Variants in PPP4R4 observed in about 807,000 individuals in gnomAD.
PPP4R4 encodes protein phosphatase 4 regulatory subunit 4.
A neutral mutation model predicts 121.8 loss-of-function variants in PPP4R4; 70 were observed. The observed-to-expected ratio is 0.57, with a 90% CI of 0.47 to 0.70. The LOEUF (loss-of-function observed/expected upper bound fraction) is 0.70. Ranked by LOEUF, PPP4R4 falls within the 30% of genes least tolerant of loss-of-function variation. The pLI, the probability that PPP4R4 is intolerant of heterozygous loss-of-function variation, is 0.00. For synonymous variants in PPP4R4, 348 were observed against 355.7 expected (o/e 0.98, Z 0.24); for missense variants, 875 against 1,033.6 (o/e 0.85, Z 2.10).
intron 3 of PPP4R4, among the ~76,000 whole-genome samples, chr14:94,222,347 T>C (rs1891453388): frequency 1.3e-5 from 2 of 151,864 alleles, no homozygotes; most frequent in South Asian, 4.1e-4. Context: ...GCTTAGACAT[T>C]ACAAAAAGGA....
chr14:94,258,910 G>T (rs575765715), intron 18 of PPP4R4, 86 bp downstream of exon 18: 24 of 1,257,478 alleles, frequency 1.9e-5, no homozygotes, highest in Middle Eastern at 5.4e-4. Context: ...ATTTACAAAA[G>T]AAAGAGGTTT....
At chr14:94,263,338 A>G (rs1013920645) in intron 19 of PPP4R4, among the ~76,000 whole-genome samples, 11 of 152,280 alleles carry the variant, frequency 7.2e-5, no homozygotes, top group East Asian at 1.9e-4. Flanking sequence ...CTCAGTGTGA[A>G]TAATTTCTCT....
chr14:94,222,986 G>A (rs903224019), intron 3 of PPP4R4, among the ~76,000 whole-genome samples: 1 of 151,486 alleles, frequency 6.6e-6, no homozygotes, highest in African/African-American at 2.4e-5. Flanking sequence ...TACACCTTCT[G>A]TCTCACTAAT....
At chr14:94,271,749 A>G (rs181367036) in intron 23 of PPP4R4, among the ~76,000 whole-genome samples, 1 of 152,334 alleles carries the variant, frequency 6.6e-6, no homozygotes, top group East Asian at 1.9e-4. Context: ...ATCCACAAGA[A>G]TTGGCAAAAA....
At chr14:94,208,357 C>T in intron 2 of PPP4R4, 107 bp from the exon 3 acceptor site, 1 of 707,538 alleles carries the variant, frequency 1.4e-6, no homozygotes, top group South Asian at 3.6e-5. Flanking sequence ...AGTCTGAGTG[C>T]TTAACATTCA....
At chr14:94,174,912 C>G in intron 1 of PPP4R4, among the ~76,000 whole-genome samples, 1 of 149,510 alleles carries the variant, frequency 6.7e-6, no homozygotes, top group African/African-American at 2.5e-5. Flanking sequence ...CCCCCAGGAA[C>G]GGCCGAGCTC....
chr14:94,241,368 T>C (rs567498653), intron 9 of PPP4R4, among the ~76,000 whole-genome samples: 43 of 152,076 alleles, frequency 2.8e-4, no homozygotes, highest in Non-Finnish European at 3.4e-4. Context: ...TCTTTCAGAT[T>C]CAATTTTTAA....
chr14:94,265,519 T>G (rs780669895), intron 21 of PPP4R4, 46 bp downstream of exon 21: 1 of 1,483,290 alleles, frequency 6.7e-7, no homozygotes, highest in Non-Finnish European at 9.4e-7. Context: ...TTTTCTTCCT[T>G]GTATACAAAT....
At position 94,185,608 on chromosome 14, in the gene PPP4R4, G is replaced by A. The variant is rs74074215; in HGVS notation, c.191+9481G>A. ...TGTATAGGGCACAGTGCTTGGTACA[G>A]GGTAGTGTTCAGTAAAGGATAGTTG... is the stretch of plus-strand genomic sequence containing the variant. On this transcript the variant is annotated intron_variant, in intron 2 of 24. Transcript: ENST00000304338. Among the ~76,000 whole-genome samples, 477 of 152,294 alleles carry A rather than the reference G, an allele frequency of 3.1e-3. 2 individuals are homozygous for A. The highest frequency in any genetic ancestry group is 0.011 in the African/African-American group (461 of 41,562).
Position 94,258,788 on chromosome 14 carries a change from A to G in PPP4R4, c.2016A>G (p.Val672=). 4.5e-6 allele frequency: 7 copies of G among 1,572,960 alleles called. No homozygotes were observed. Among genetic ancestry groups the G allele is most frequent in the Non-Finnish European group, 6.1e-6 (7 of 1,143,216 alleles). Residue 672 remains valine (V), a synonymous_variant, in exon 18 of 25, where the codon GTA becomes GTG. Coordinates refer to ENST00000304338, the MANE Select transcript of PPP4R4 (RefSeq NM_058237.2). ...KDVLAIVKRT[V]LELDRMEMSM... is the part of the protein sequence containing the mutation. Reference sequence around the variant, plus strand: ...TTTAAAAACTTTCCTTATAGACTGTATTAGAGTTGGACAGAATGGAAATGT... The same window carrying G: ...TTTAAAAACTTTCCTTATAGACTGTGTTAGAGTTGGACAGAATGGAAATGT...
chr14:94,181,559 G>A (rs1243354843), intron 2 of PPP4R4, among the ~76,000 whole-genome samples: 1 of 152,150 alleles, frequency 6.6e-6, no homozygotes, highest in African/African-American at 2.4e-5. Flanking sequence ...TGGGTCTGCT[G>A]ATTAAAGTTT....
In PPP4R4 at chr14:94,262,000, A is replaced by G. The variant is rs536550797; in HGVS notation, c.2127+2631A>G. Among the ~76,000 whole-genome samples the G allele has an allele frequency of 4.6e-5, 7 of 152,060 alleles. No individual in the cohort carries two copies. In the South Asian group the frequency reaches 1.5e-3, roughly 32 times the overall value. On this transcript the variant is annotated intron_variant, in intron 19 of 24. Coordinates refer to ENST00000304338, the MANE Select transcript of PPP4R4 (RefSeq NM_058237.2). ...TAGATTCATAGTGAAATTGGCCTATAATTCCCCTTTTTGTCATTTTTGGGA... is the reference window on the plus strand; with the variant it reads ...TAGATTCATAGTGAAATTGGCCTATGATTCCCCTTTTTGTCATTTTTGGGA...
chr14:94,178,189 C>T lies in PPP4R4; in HGVS notation c.191+2062C>T, dbSNP rs572249771. On this transcript the variant is annotated intron_variant, in intron 2 of 24. Coordinates refer to ENST00000304338, the MANE Select transcript of PPP4R4 (RefSeq NM_058237.2). ...CTGTTTAGGCCTTCTCATCTTCTCT[C>T]ATGTATTGAGCCTGCTATTGTAGAT... Among the ~76,000 whole-genome samples the T allele has an allele frequency of 2.0e-5, 3 of 152,248 alleles. No individual in the cohort carries two copies. In the South Asian group the frequency reaches 6.2e-4, roughly 32 times the overall value.
chr14:94,272,304 A>G (rs1031838378), intron 23 of PPP4R4, among the ~76,000 whole-genome samples: 22 of 152,328 alleles, frequency 1.4e-4, no homozygotes, highest in African/African-American at 5.1e-4. Context: ...TGGCAAAAGA[A>G]TAGTCAAACA....
intron 3 of PPP4R4, among the ~76,000 whole-genome samples, chr14:94,209,360 G>T (rs922429410): frequency 3.9e-5 from 6 of 151,926 alleles, no homozygotes; most frequent in Non-Finnish European, 5.9e-5. Context: ...TATAGCTCTT[G>T]TCATAATTTT....
chr14:94,256,486 A>G lies in PPP4R4; in HGVS notation c.1892A>G (p.Lys631Arg). The G allele has an allele frequency of 6.2e-7, 1 of 1,601,282 alleles. No individual in the cohort carries two copies. Among genetic ancestry groups the G allele is most frequent in the Non-Finnish European group, 8.5e-7 (1 of 1,170,598 alleles). Residue 631 changes from lysine to arginine, a missense_variant, in exon 17 of 25, where the codon AAA (lysine) becomes AGA (arginine). Coordinates refer to ENST00000304338, the MANE Select transcript of PPP4R4 (RefSeq NM_058237.2). ...VRMKLCYLLP[K>R]VKSTLKIPAD... Reference sequence around the variant, plus strand: ...ATGAAACTTTGCTACCTGTTGCCCAAAGTGAAATCTACTCTGAAGATTCCT... The same window carrying G: ...ATGAAACTTTGCTACCTGTTGCCCAGAGTGAAATCTACTCTGAAGATTCCT...
chr14:94,265,162 G>A (rs1893974603), intron 20 of PPP4R4, among the ~76,000 whole-genome samples: 2 of 152,196 alleles, frequency 1.3e-5, no homozygotes, highest in South Asian at 4.1e-4. Flanking sequence ...ACGTTCAGAT[G>A]CTTCAAAAGA....
At chr14:94,230,861 C>A in intron 4 of PPP4R4, 127 bp downstream of exon 4, 1 of 1,083,586 alleles carries the variant, frequency 9.2e-7, no homozygotes, top group South Asian at 2.0e-5. Context: ...AGGAGTTGAG[C>A]AGTGGAATGA....
chr14:94,260,638 A>G lies in PPP4R4; in HGVS notation c.2127+1269A>G, dbSNP rs143060301. On this transcript the variant is annotated intron_variant, in intron 19 of 24. Coordinates refer to ENST00000304338, the MANE Select transcript of PPP4R4 (RefSeq NM_058237.2). ...ACTGGCCATCTTTATCTCTTATTTGATAAAGTTTGTTTTCAGAATTTTAAG... is the reference window on the plus strand; with the variant it reads ...ACTGGCCATCTTTATCTCTTATTTGGTAAAGTTTGTTTTCAGAATTTTAAG... Among the ~76,000 whole-genome samples the G allele has an allele frequency of 1.2e-4, 18 of 151,898 alleles. No individual in the cohort carries two copies. The East Asian group carries it at 2.9e-3, about 24-fold the overall frequency.
Sources: gnomAD v4.1 joint callset for allele counts (sites outside exome capture counted in the v4.1 genomes callset) on GRCh38, gnomAD v4.1.1 for gene constraint, MANE v1.5 for transcripts, NCBI Gene and HGNC (gene_info 2026-07-23, HGNC 2026-07-21) for gene names.